RBFOX1: variants seen among roughly 807,000 people sequenced by gnomAD.
The protein encoded by RBFOX1 is RNA binding fox-1 homolog 1.
In RBFOX1, 8 loss-of-function variants were observed where a neutral mutation model predicts 57.7. The observed-to-expected ratio is 0.14, with a 90% CI of 0.08 to 0.25. The LOEUF is 0.25. Among genes scored for constraint, RBFOX1 ranks in the 10% least tolerant of loss-of-function variants. The pLI is 1.00. For missense variants in RBFOX1, 611 were observed against 548.5 expected (o/e 1.11, Z -1.14); for synonymous variants, 326 against 222.4 (o/e 1.47, Z -4.15).
chr16:7,363,797 A>G lies in RBFOX1; in HGVS notation c.28-154350A>G, dbSNP rs1024385552. On this transcript the variant is annotated intron_variant, in intron 4 of 15. Coordinates refer to ENST00000550418, the MANE Select transcript of RBFOX1 (RefSeq NM_018723.4). ...AGCTGTGTTTTGGTTTCAGGGGCCG[A>G]AAATAAGTGCCCAGAATCTCCCGTC... is the stretch of plus-strand genomic sequence containing the variant. 3.3e-5 allele frequency among the ~76,000 whole-genome samples: 5 copies of G among 152,246 alleles called. No individual in the cohort carries two copies. In the South Asian group the frequency reaches 6.2e-4, roughly 19 times the overall value.
chr16:6,786,571 C>T (rs994691930), intron 3 of RBFOX1, among the ~76,000 whole-genome samples: 1 of 152,054 alleles, frequency 6.6e-6, no homozygotes, highest in African/African-American at 2.4e-5. Flanking sequence ...AAAAACCTCT[C>T]CAAAAATTAA....
chr16:6,722,895 C>T (rs1022854455), intron 3 of RBFOX1, among the ~76,000 whole-genome samples: 9 of 152,268 alleles, frequency 5.9e-5, no homozygotes, highest in African/African-American at 1.7e-4. Flanking sequence ...TCTGGCCCCC[C>T]GTGGGGTAGA....
intron 2 of RBFOX1, among the ~76,000 whole-genome samples, chr16:6,602,272 C>T (rs1273834040): frequency 6.6e-6 from 1 of 151,876 alleles, no homozygotes; most frequent in Non-Finnish European, 1.5e-5. Context: ...CAGTGGGTTG[C>T]CTTTTCACTC....
At chr16:6,115,834 C>A (rs1268937475) in intron 1 of RBFOX1, among the ~76,000 whole-genome samples, 1 of 152,272 alleles carries the variant, frequency 6.6e-6, no homozygotes, top group Non-Finnish European at 1.5e-5. Flanking sequence ...CCTCTGCTCT[C>A]CTGAGCTGTG....
intron 3 of RBFOX1, among the ~76,000 whole-genome samples, chr16:7,044,631 C>T (rs1286076462): frequency 2.6e-5 from 4 of 152,034 alleles, no homozygotes; most frequent in Admixed American, 2.0e-4. Flanking sequence ...GAACAGCGCC[C>T]GACCTTCCAC....
intron 4 of RBFOX1, among the ~76,000 whole-genome samples, chr16:7,166,115 G>T (rs766784316): frequency 2.0e-5 from 3 of 152,130 alleles, no homozygotes; most frequent in Non-Finnish European, 2.9e-5. Context: ...CGGGATTCAA[G>T]TGATTCTCCT....
intron 3 of RBFOX1, among the ~76,000 whole-genome samples, chr16:6,709,676 G>A (rs2063383143): frequency 6.6e-6 from 1 of 152,070 alleles, no homozygotes; most frequent in South Asian, 2.1e-4. Context: ...AGAGCCAGTG[G>A]TGCTGAAGGG....
chr16:7,526,131 A>G (rs1352317121), intron 5 of RBFOX1, among the ~76,000 whole-genome samples: 1 of 152,132 alleles, frequency 6.6e-6, no homozygotes, highest in Non-Finnish European at 1.5e-5. Flanking sequence ...CATGCGAGGG[A>G]TCTAGATTGT....
At chr16:7,156,114 T>G (rs55906324) in intron 4 of RBFOX1, among the ~76,000 whole-genome samples, 8 of 152,012 alleles carry the variant, frequency 5.3e-5, no homozygotes, top group Non-Finnish European at 1.0e-4. Context: ...TTAAGCAATC[T>G]GCCCACTTTG....
chr16:7,532,415 T>A (rs748131557), intron 5 of RBFOX1, among the ~76,000 whole-genome samples: 4 of 152,198 alleles, frequency 2.6e-5, no homozygotes, highest in Non-Finnish European at 5.9e-5. Flanking sequence ...TAGGGTATAT[T>A]AATCATTGGA....
At chr16:6,776,955 A>G (rs1178748106) in intron 3 of RBFOX1, among the ~76,000 whole-genome samples, 1 of 152,182 alleles carries the variant, frequency 6.6e-6, no homozygotes, top group East Asian at 1.9e-4. Flanking sequence ...AAATTATCTG[A>G]GAGGTTGAAA....
intron 4 of RBFOX1, among the ~76,000 whole-genome samples, chr16:7,374,225 T>C (rs1196689074): frequency 1.3e-5 from 2 of 152,150 alleles, no homozygotes; most frequent in Non-Finnish European, 2.9e-5. Flanking sequence ...GGGTCAAATA[T>C]TTACCATCCC....
At chr16:7,106,621 T>G (rs547860321) in intron 4 of RBFOX1, among the ~76,000 whole-genome samples, 1 of 152,156 alleles carries the variant, frequency 6.6e-6, no homozygotes, top group Non-Finnish European at 1.5e-5. Flanking sequence ...CCTGGCATAA[T>G]AATAATAATT....
intron 4 of RBFOX1, among the ~76,000 whole-genome samples, chr16:7,346,830 T>C (rs1283411718): frequency 2.0e-5 from 3 of 152,128 alleles, no homozygotes; most frequent in African/African-American, 7.2e-5. Flanking sequence ...AAACCAAAGA[T>C]GATTCTTGAA....
intron 1 of RBFOX1, among the ~76,000 whole-genome samples, chr16:6,242,226 C>T (rs1481211043): frequency 6.6e-6 from 1 of 151,886 alleles, no homozygotes; most frequent in Non-Finnish European, 1.5e-5. Context: ...TAAGTACATT[C>T]TCTCTATATA....
chr16:5,642,032 A>G (rs1268544542), intron 3 of RBFOX1, among the ~76,000 whole-genome samples: 2 of 152,270 alleles, frequency 1.3e-5, no homozygotes, highest in Middle Eastern at 3.4e-3. Context: ...TGGTATCTGG[A>G]CCACACTTTG....
At chr16:6,823,468 G>A (rs141173395) in intron 3 of RBFOX1, among the ~76,000 whole-genome samples, 107 of 152,148 alleles carry the variant, frequency 7.0e-4, no homozygotes, top group African/African-American at 2.5e-3. Flanking sequence ...TGTTGGCCAC[G>A]CTAGTCTCAA....
At chr16:6,380,628 G>C (rs1596365645) in intron 2 of RBFOX1, among the ~76,000 whole-genome samples, 2 of 151,792 alleles carry the variant, frequency 1.3e-5, no homozygotes, top group Admixed American at 1.3e-4. Context: ...TATGTCTTTT[G>C]TTTTTTCTTC....
chr16:7,117,262 T>C (rs1012707083), intron 4 of RBFOX1, among the ~76,000 whole-genome samples: 1 of 152,150 alleles, frequency 6.6e-6, no homozygotes, highest in Admixed American at 6.5e-5. Flanking sequence ...GATCGTTTCA[T>C]TGTACGAACA....
Sources: gnomAD v4.1 joint callset for allele counts (sites outside exome capture counted in the v4.1 genomes callset) on GRCh38, gnomAD v4.1.1 for gene constraint, MANE v1.5 for transcripts, NCBI Gene and HGNC (gene_info 2026-07-23, HGNC 2026-07-21) for gene names.